Variants in NCOA2 observed in about 807,000 individuals in gnomAD.
NCOA2 encodes the protein class E basic helix-loop-helix protein 75.
In NCOA2, 21 loss-of-function variants were observed where a neutral mutation model predicts 145.1. The ratio of observed to expected loss-of-function variants is 0.14; its 90% CI spans 0.10 to 0.21. The LOEUF (loss-of-function observed/expected upper bound fraction) is 0.21. Among genes scored for constraint, NCOA2 ranks in the 10% least tolerant of loss-of-function variants. The pLI is 1.00. For synonymous variants in NCOA2, 619 were observed against 637.5 expected (o/e 0.97, Z 0.44); for missense variants, 1,472 against 1,837.6 (o/e 0.80, Z 3.64).
At chr8:70,149,744 T>C (rs944859962) in intron 11 of NCOA2, among the ~76,000 whole-genome samples, 2 of 152,166 alleles carry the variant, frequency 1.3e-5, no homozygotes. Flanking sequence ...AATCAGATAG[T>C]GCATGCTAGG....
At chr8:70,434,735 T>A in the NCOA2 span, among the ~76,000 whole-genome samples, 2 of 152,032 alleles carry the variant, frequency 1.3e-5, no homozygotes, top group African/African-American at 4.8e-5. Context: ...GCCCAGATAA[T>A]TTTTTTAAAA....
At chr8:70,321,792 CCTTTTTTTTT>C (rs1294864592) in intron 1 of NCOA2, among the ~76,000 whole-genome samples, 1 of 97,524 alleles carries the variant, frequency 1.0e-5, no homozygotes, top group African/African-American at 4.3e-5. Context: ...TCAGAATATA[CCTTTTTTTTT>C]TTTTTTTTTT....
intron 4 of NCOA2, among the ~76,000 whole-genome samples, chr8:70,206,545 A>G (rs1818462254): frequency 6.6e-6 from 1 of 152,174 alleles, no homozygotes; most frequent in Non-Finnish European, 1.5e-5. Flanking sequence ...AAAAATCCAA[A>G]TTATCTCCCA....
chr8:70,138,225 C>A lies in NCOA2; in HGVS notation c.3136G>T (p.Ala1046Ser), dbSNP rs748330764. The change falls in exon 15 of 23, where the codon GCG (alanine) becomes TCG (serine). Residue 1046 changes from alanine to serine, a missense_variant. Ala to Ser is a moderately conservative substitution (Grantham distance 99, BLOSUM62 1). Around this residue, in one of 4 missense-constraint regions of NCOA2, gnomAD observed 953 missense variants for 1,062.1 expected, o/e 0.90. Coordinates refer to ENST00000452400, the MANE Select transcript of NCOA2 (RefSeq NM_006540.4). Reference protein sequence around the residue: ...WPESILPIDQASFASQNRQPF... With the variant: ...WPESILPIDQSSFASQNRQPF... The stretch of plus-strand genomic sequence containing the variant: ...CACCTGTTTTGGCTGGCAAAAGACG[C>A]CTGGTCTATAGGCAGGATGCTTTCA... 1 of 1,613,752 alleles carries A rather than the reference C, an allele frequency of 6.2e-7. No homozygotes were observed. Among genetic ancestry groups the A allele is most frequent in the Non-Finnish European group, 8.5e-7 (1 of 1,179,810 alleles).
At chr8:70,122,324 A>T (rs1334723002) in intron 21 of NCOA2, among the ~76,000 whole-genome samples, 2 of 152,186 alleles carry the variant, frequency 1.3e-5, no homozygotes, top group East Asian at 3.8e-4. Context: ...ATCTTAGCTC[A>T]CTGCAGCCTC....
At chr8:70,253,074 T>C (rs1359633365) in intron 2 of NCOA2, among the ~76,000 whole-genome samples, 1 of 152,214 alleles carries the variant, frequency 6.6e-6, no homozygotes, top group Non-Finnish European at 1.5e-5. Context: ...CTACTTATTC[T>C]TGTCTTCCTC....
intron 1 of NCOA2, among the ~76,000 whole-genome samples, chr8:70,394,754 TA>T (rs1246662674): frequency 6.6e-6 from 1 of 152,228 alleles, no homozygotes; most frequent in African/African-American, 2.4e-5. Context: ...GTAGGGTTTA[TA>T]ACAATATCCT....
At chr8:70,291,024 A>G (rs747721808) in intron 2 of NCOA2, among the ~76,000 whole-genome samples, 1 of 152,220 alleles carries the variant, frequency 6.6e-6, no homozygotes, top group Non-Finnish European at 1.5e-5. Flanking sequence ...GTATTTCAAA[A>G]GTTACTGTGG....
intron 4 of NCOA2, among the ~76,000 whole-genome samples, chr8:70,196,980 A>G (rs1388541837): frequency 6.6e-6 from 1 of 152,198 alleles, no homozygotes. Flanking sequence ...TCCAATCCTG[A>G]GGCAGTCTCA....
At chr8:70,322,102 C>T (rs1166184233) in intron 1 of NCOA2, among the ~76,000 whole-genome samples, 2 of 151,742 alleles carry the variant, frequency 1.3e-5, no homozygotes, top group African/African-American at 4.8e-5. Flanking sequence ...GGCAACAAAG[C>T]ATGACTCTGT....
Position 70,138,128 on chromosome 8 carries a change from C to A in NCOA2, c.3158+75G>T, listed in dbSNP as rs1283037548. On this transcript the variant is annotated intron_variant, in intron 15 of 22. Transcript: ENST00000452400. The stretch of plus-strand genomic sequence containing the variant: ...CAATAAATGAAAACTGGTCAGGCAC[C>A]GACTACTCCAAAGGAAAAGATTAAT... 3 of 1,487,828 alleles carry A rather than the reference C, an allele frequency of 2.0e-6. No individual in the cohort carries two copies. The Admixed American group carries it at 6.5e-5, about 32-fold the overall frequency. The allele number at this position is 1,487,828 out of a possible 1,614,324, so 92.2% of individuals were successfully genotyped here. A position where few individuals can be genotyped will look rare whatever the true frequency, so the allele number is the denominator to read the frequency against.
intron 1 of NCOA2, among the ~76,000 whole-genome samples, chr8:70,355,256 C>A (rs896656613): frequency 2.0e-5 from 3 of 152,192 alleles, no homozygotes; most frequent in African/African-American, 7.2e-5. Context: ...AATAAAAACA[C>A]ACAAACATCC....
At chr8:70,151,580 G>C (rs553265279) in intron 11 of NCOA2, among the ~76,000 whole-genome samples, 50 of 152,218 alleles carry the variant, frequency 3.3e-4, no homozygotes, top group Admixed American at 2.4e-3. Flanking sequence ...GAGCCATCGC[G>C]CCCGGCCTAA....
intron 2 of NCOA2, among the ~76,000 whole-genome samples, chr8:70,229,246 T>G (rs556137825): frequency 6.6e-6 from 1 of 152,342 alleles, no homozygotes; most frequent in East Asian, 1.9e-4. Flanking sequence ...CTATGGACAC[T>G]GCAATACAGT....
the NCOA2 span, chr8:70,424,297 C>T: frequency 2.7e-6 from 1 of 373,232 alleles, no homozygotes; most frequent in South Asian, 2.2e-5. Context: ...CAGGACCTGG[C>T]TATAGTTTCC....
chr8:70,255,811 G>A (rs1007081367), intron 2 of NCOA2, among the ~76,000 whole-genome samples: 3 of 152,090 alleles, frequency 2.0e-5, no homozygotes, highest in Non-Finnish European at 2.9e-5. Context: ...GGTGAGAGTC[G>A]GGGGCAGATT....
At chr8:70,204,818 CCT>C (rs760783799) in intron 4 of NCOA2, among the ~76,000 whole-genome samples, 11 of 152,084 alleles carry the variant, frequency 7.2e-5, no homozygotes, top group Non-Finnish European at 1.3e-4. Flanking sequence ...ATGGCGAAAC[CCT>C]GTCTCTACTA....
At position 70,111,115 on chromosome 8, in the gene NCOA2, G is replaced by A. The variant is rs1382726835; in HGVS notation, c.*2517C>T. On this transcript the variant is annotated 3_prime_UTR_variant, in exon 23 of 23. Transcript: ENST00000452400. Reference sequence around the variant, plus strand: ...CAAAATCCATTACCTGATTGAAACCGTAAGAGAATTTATCATCTCTTTTCC... The same window carrying A: ...CAAAATCCATTACCTGATTGAAACCATAAGAGAATTTATCATCTCTTTTCC... 4 of 219,510 alleles carry A rather than the reference G, an allele frequency of 1.8e-5. No homozygotes were observed. Among genetic ancestry groups the A allele is most frequent in the Admixed American group, 5.8e-5 (1 of 17,288 alleles). 13.6% of individuals were successfully genotyped at this position (219,510 alleles called of 1,614,324 possible).
intron 4 of NCOA2, among the ~76,000 whole-genome samples, chr8:70,193,846 G>A (rs932891473): frequency 4.6e-5 from 7 of 152,150 alleles, no homozygotes; most frequent in Admixed American, 3.3e-4. Flanking sequence ...TCCCCAAAAC[G>A]ACCTCAGAGT....
Sources: gnomAD v4.1 joint callset for allele counts (sites outside exome capture counted in the v4.1 genomes callset) on GRCh38, gnomAD v4.1.1 for gene constraint, gnomAD v4.1.1 regional missense constraint, MANE v1.5 for transcripts, NCBI Gene and HGNC (gene_info 2026-07-23, HGNC 2026-07-21) for gene names.